Variants in TMEM209 observed in about 807,000 individuals in gnomAD.
TMEM209 encodes testicular tissue protein Li 202.
TMEM209 carries 65 observed loss-of-function variants against 76.2 expected under a neutral mutation model. The observed-to-expected ratio is 0.85, with a 90% CI of 0.70 to 1.05. The LOEUF is 1.05. TMEM209 is among the 50% of genes least tolerant of loss of function. The probability of loss-of-function intolerance (pLI) is 0.00; values close to 1 mark genes in which losing one functional copy is unlikely to be tolerated. For synonymous variants in TMEM209, 239 were observed against 237.6 expected, an observed-to-expected ratio of 1.01 and a Z score of -0.06; for missense variants, 623 against 685.5, an observed-to-expected ratio of 0.91 and a Z score of 1.02.
chr7:130,165,383 A>T lies in TMEM209; in HGVS notation c.*1068T>A, dbSNP rs915845555. ...CCCTCCAGATATTTTGAACATATTT[A>T]AAAAATTTGAAGATAGGATATCACT... is the stretch of plus-strand genomic sequence containing the variant. On this transcript the variant is annotated 3_prime_UTR_variant, in exon 15 of 15. Coordinates refer to ENST00000397622, the MANE Select transcript of TMEM209 (RefSeq NM_032842.4). 4 of 152,328 alleles carry T rather than the reference A, an allele frequency of 2.6e-5. No individual in the cohort carries two copies. Among genetic ancestry groups the T allele is most frequent in the East Asian group, 1.9e-4 (1 of 5,186 alleles). The allele number at this position is 152,328 out of a possible 1,614,324, so 9.4% of individuals were successfully genotyped here.
At chr7:130,194,224 C>T (rs1797895427) in intron 5 of TMEM209, among the ~76,000 whole-genome samples, 1 of 148,976 alleles carries the variant, frequency 6.7e-6, no homozygotes, top group Admixed American at 6.7e-5. Flanking sequence ...AAATATACCA[C>T]TGTGAGGGGG....
At chr7:130,199,553 A>C (rs1488638527) in intron 5 of TMEM209, among the ~76,000 whole-genome samples, 1 of 152,124 alleles carries the variant, frequency 6.6e-6, no homozygotes, top group Non-Finnish European at 1.5e-5. Context: ...ATTTCCTGAC[A>C]TATCTTTTAA....
chr7:130,176,561 C>T (rs1797243381), intron 10 of TMEM209, among the ~76,000 whole-genome samples: 1 of 152,018 alleles, frequency 6.6e-6, no homozygotes, highest in Non-Finnish European at 1.5e-5. Context: ...CCAAAAAACT[C>T]AAACATGAAT....
chr7:130,173,075 T>C (rs1168178816), intron 13 of TMEM209, among the ~76,000 whole-genome samples: 1 of 151,650 alleles, frequency 6.6e-6, no homozygotes, highest in Non-Finnish European at 1.5e-5. Context: ...AGCTAATATT[T>C]AAAAGCAGAT....
chr7:130,168,332 T>C (rs1796943317), intron 14 of TMEM209, among the ~76,000 whole-genome samples: 1 of 152,174 alleles, frequency 6.6e-6, no homozygotes, highest in African/African-American at 2.4e-5. Context: ...TCAAAGGAAA[T>C]GCTCACTGTA....
At position 130,202,079 on chromosome 7, in the gene TMEM209, G is replaced by A. The variant is rs200859439; in HGVS notation, c.344C>T (p.Thr115Met). ...LGLKTAVVQTTPPHDLAATQI... is the reference protein window; with the variant it reads ...LGLKTAVVQTMPPHDLAATQI... ...GGTTGCTGCCAGATCATGTGGAGGC[G>A]TAGTCTGTACAACTAGAAGGAAAAA... is the stretch of plus-strand genomic sequence containing the variant. The change falls in exon 5 of 15, where the codon ACG becomes ATG. Residue 115 changes from threonine to methionine, a missense_variant. Coordinates refer to ENST00000397622, the MANE Select transcript of TMEM209 (RefSeq NM_032842.4). 8.9e-4 allele frequency: 1,427 copies of A among 1,612,144 alleles called. 28 individuals carry two copies. The South Asian group carries it at 0.014, about 16-fold the overall frequency.
chr7:130,202,779 A>G (rs1162264901), intron 3 of TMEM209, 116 bp from the exon 4 acceptor site: 4 of 1,188,020 alleles, frequency 3.4e-6, no homozygotes, highest in Admixed American at 3.1e-5. Flanking sequence ...CATAAAAACT[A>G]TAATTTAATG....
At chr7:130,190,826 G>C (rs915554823) in intron 6 of TMEM209, among the ~76,000 whole-genome samples, 1 of 151,926 alleles carries the variant, frequency 6.6e-6, no homozygotes, top group African/African-American at 2.4e-5. Flanking sequence ...GCAAAACCCG[G>C]TCTCTACTAA....
intron 5 of TMEM209, among the ~76,000 whole-genome samples, chr7:130,199,513 C>T (rs1324046086): frequency 6.6e-6 from 1 of 151,288 alleles, no homozygotes; most frequent in Non-Finnish European, 1.5e-5. Flanking sequence ...ACCCGCTGCG[C>T]CCAGCCGTCA....
At chr7:130,186,338 T>C (rs572686903) in intron 6 of TMEM209, among the ~76,000 whole-genome samples, 34 of 152,300 alleles carry the variant, frequency 2.2e-4, no homozygotes, top group African/African-American at 7.5e-4. Flanking sequence ...AGCAATATAA[T>C]TCATCAAAAT....
chr7:130,185,424 T>C, intron 6 of TMEM209, 57 bp from the exon 7 acceptor site: 6 of 1,493,626 alleles, frequency 4.0e-6, no homozygotes, highest in Non-Finnish European at 4.6e-6. Context: ...ACATCTACAG[T>C]TAACACTTAT....
At chr7:130,196,348 A>T (rs1797972019) in intron 5 of TMEM209, among the ~76,000 whole-genome samples, 1 of 151,686 alleles carries the variant, frequency 6.6e-6, no homozygotes, top group Non-Finnish European at 1.5e-5. Context: ...TTCCAAGAAA[A>T]GTAATGTATT....
intron 6 of TMEM209, among the ~76,000 whole-genome samples, chr7:130,188,419 A>C (rs1394667916): frequency 2.6e-5 from 4 of 151,968 alleles, no homozygotes; most frequent in South Asian, 4.2e-4. Context: ...ACATGGTGAA[A>C]CCCCGTCTCT....
chr7:130,175,484 A>AAATG (rs1267698629), intron 11 of TMEM209, 28 bp downstream of exon 11: 3 of 1,588,004 alleles, frequency 1.9e-6, no homozygotes, highest in Non-Finnish European at 2.6e-6. Flanking sequence ...GTAAATAAAT[A>AAATG]AATGAATGAA....
chr7:130,204,617 G>T (rs1369254851), intron 1 of TMEM209, among the ~76,000 whole-genome samples: 1 of 152,204 alleles, frequency 6.6e-6, no homozygotes, highest in African/African-American at 2.4e-5. Flanking sequence ...TGGGATTACA[G>T]GCGTGAGCCA....
At chr7:130,170,088 C>T (rs966505287) in intron 14 of TMEM209, among the ~76,000 whole-genome samples, 1 of 152,066 alleles carries the variant, frequency 6.6e-6, no homozygotes, top group Non-Finnish European at 1.5e-5. Context: ...TGGAAAAAAA[C>T]AGTCTCCAGA....
intron 5 of TMEM209, among the ~76,000 whole-genome samples, chr7:130,201,338 C>T (rs1375975821): frequency 1.3e-5 from 2 of 151,664 alleles, no homozygotes; most frequent in Admixed American, 1.3e-4. Flanking sequence ...AAAATTAGAA[C>T]AAAATTTCAC....
intron 9 of TMEM209, among the ~76,000 whole-genome samples, chr7:130,179,061 C>G (rs768104075): frequency 6.6e-6 from 1 of 152,128 alleles, no homozygotes; most frequent in Non-Finnish European, 1.5e-5. Context: ...GTGTTGAGAT[C>G]ACAGGTGTTA....
intron 5 of TMEM209, among the ~76,000 whole-genome samples, chr7:130,193,048 A>C (rs1797852603): frequency 6.6e-6 from 1 of 152,220 alleles, no homozygotes; most frequent in East Asian, 1.9e-4. Context: ...TTACAAAAGT[A>C]AATATTATCT....
Sources: gnomAD v4.1 joint callset for allele counts (sites outside exome capture counted in the v4.1 genomes callset) on GRCh38, gnomAD v4.1.1 for gene constraint, MANE v1.5 for transcripts, NCBI Gene and HGNC (gene_info 2026-07-23, HGNC 2026-07-21) for gene names.